The following MBNL1 variants were observed in gnomAD, a reference collection of about 807,000 sequenced individuals.
The protein encoded by MBNL1 is muscleblind like splicing regulator 1.
Under a neutral mutation model 42.2 loss-of-function variants are expected in MBNL1, and 8 were observed. The observed-to-expected ratio is 0.19, with a 90% CI of 0.11 to 0.34. MBNL1 has a LOEUF of 0.34. Ranked by LOEUF, MBNL1 falls within the 10% of genes least tolerant of loss-of-function variation. The pLI is 1.00. For synonymous variants in MBNL1, 169 were observed against 173.9 expected (o/e 0.97, Z 0.22); for missense variants, 309 against 495.3 (o/e 0.62, Z 3.57).
chr3:152,432,615 A>G (rs1196744070), intron 3 of MBNL1, 102 bp from the exon 4 acceptor site: 2 of 1,015,216 alleles, frequency 2.0e-6, no homozygotes, highest in Non-Finnish European at 3.1e-6. Flanking sequence ...GGGAAGGCCT[A>G]AGGAAGAATG....
Position 152,395,748 on chromosome 3 carries a change from T to C in MBNL1, c.175-19193T>C, listed in dbSNP as rs1482250411. 1.5e-4 allele frequency among the ~76,000 whole-genome samples: 23 copies of C among 152,370 alleles called. No individual in the cohort carries two copies. The East Asian group carries it at 1.9e-3, about 13-fold the overall frequency. The stretch of plus-strand genomic sequence containing the variant: ...TTAACTCTTGCATTAACTCTGAACT[T>C]AACCTCCCCTGAACAAAGCCTTTAC... On this transcript the variant is annotated intron_variant, in intron 2 of 9. Transcript: ENST00000324210.
upstream of MBNL1, chr3:152,268,818 C>G (rs556341838): frequency 3.3e-5 from 15 of 451,926 alleles, no homozygotes; most frequent in African/African-American, 2.4e-4. Flanking sequence ...ATTAGGAGCT[C>G]GACGAGTCCG....
intron 2 of MBNL1, among the ~76,000 whole-genome samples, chr3:152,309,978 T>C (rs763347556): frequency 6.6e-6 from 1 of 152,202 alleles, no homozygotes; most frequent in African/African-American, 2.4e-5. Context: ...TTTAAAATGT[T>C]CCAGTAGAAC....
At chr3:152,460,533 G>A (rs543785543) in intron 9 of MBNL1, among the ~76,000 whole-genome samples, 2 of 151,072 alleles carry the variant, frequency 1.3e-5, no homozygotes, top group East Asian at 3.9e-4. Flanking sequence ...GTTAGTGGGT[G>A]CAGCGCACCA....
intron 2 of MBNL1, among the ~76,000 whole-genome samples, chr3:152,252,635 CCT>C (rs1014034561): frequency 1.3e-5 from 2 of 152,004 alleles, no homozygotes; most frequent in African/African-American, 4.8e-5. Flanking sequence ...AAATTATCCT[CCT>C]TTGCATTCCA....
At chr3:152,289,839 G>C (rs1306167298) in intron 1 of MBNL1, among the ~76,000 whole-genome samples, 2 of 152,024 alleles carry the variant, frequency 1.3e-5, no homozygotes, top group Non-Finnish European at 2.9e-5. Context: ...AAATAATAGG[G>C]ACTTTTACTG....
rs558552343 is a variant in MBNL1, at chr3:152,320,424, C to G, written c.174+20057C>G. Among the ~76,000 whole-genome samples, 7 of 152,216 alleles carry G rather than the reference C, an allele frequency of 4.6e-5. No individual in the cohort carries two copies. The South Asian group carries it at 1.2e-3, about 27-fold the overall frequency. ...ACTCATGCCATGTTTTGTATGTTAT[C>G]TTGTGCAGGCAGCACATGGGGACCT... On this transcript the variant is annotated intron_variant, in intron 2 of 9. Coordinates refer to ENST00000324210, the MANE Select transcript of MBNL1 (RefSeq NM_021038.5).
chr3:152,248,873 T>A (rs947785622), intron 2 of MBNL1, among the ~76,000 whole-genome samples: 1 of 151,930 alleles, frequency 6.6e-6, no homozygotes, highest in South Asian at 2.1e-4. Flanking sequence ...CAGTGTTTGG[T>A]TTTTTGTTCT....
chr3:152,440,454 G>A lies in MBNL1; in HGVS notation c.550-4828G>A, dbSNP rs576352684. Among the ~76,000 whole-genome samples the A allele has an allele frequency of 1.3e-4, 20 of 152,156 alleles. 1 individual carries two copies. Among genetic ancestry groups the A allele is most frequent in the African/African-American group, 4.8e-4 (20 of 41,512 alleles). On this transcript the variant is annotated intron_variant, in intron 4 of 9. Transcript: ENST00000324210. ...GCAGACAAGAAAAAAGGTTGCACAGGGACATAACCCTTTTAAAACCATCAG... is the reference window on the plus strand; with the variant it reads ...GCAGACAAGAAAAAAGGTTGCACAGAGACATAACCCTTTTAAAACCATCAG...
Position 152,428,862 on chromosome 3 carries a change from T to C in MBNL1, c.346-3855T>C, listed in dbSNP as rs184268109. ...CTGTGGTCACATCCTAGGCCTTTGA[T>C]TCACTCATTTGTGTCTATAGACACA... On this transcript the variant is annotated intron_variant, in intron 3 of 9. Coordinates refer to ENST00000324210, the MANE Select transcript of MBNL1 (RefSeq NM_021038.5). 9.8e-5 allele frequency among the ~76,000 whole-genome samples: 15 copies of C among 152,364 alleles called. No homozygotes were observed. In the East Asian group the frequency reaches 2.7e-3, roughly 27 times the overall value.
At chr3:152,420,763 G>C (rs1229399298) in intron 3 of MBNL1, among the ~76,000 whole-genome samples, 1 of 152,180 alleles carries the variant, frequency 6.6e-6, no homozygotes, top group African/African-American at 2.4e-5. Flanking sequence ...TGGACAGAAA[G>C]TGAGTTTGAC....
chr3:152,378,999 A>G (rs1002139780), intron 2 of MBNL1, among the ~76,000 whole-genome samples: 1 of 151,890 alleles, frequency 6.6e-6, no homozygotes, highest in African/African-American at 2.4e-5. Context: ...TACAGGTATG[A>G]GCCACCATGC....
upstream of MBNL1, chr3:152,268,899 GCGA>G: frequency 2.2e-6 from 1 of 455,062 alleles, no homozygotes; most frequent in South Asian, 1.5e-5. Flanking sequence ...CCAGACCTCG[GCGA>G]TAAGAGGCTG....
At chr3:152,328,154 C>T (rs2081634743) in intron 2 of MBNL1, among the ~76,000 whole-genome samples, 1 of 151,786 alleles carries the variant, frequency 6.6e-6, no homozygotes, top group East Asian at 1.9e-4. Context: ...TGTGTTTTGC[C>T]AAGATTTATT....
intron 3 of MBNL1, among the ~76,000 whole-genome samples, chr3:152,422,087 C>T (rs1479124676): frequency 6.6e-6 from 1 of 151,978 alleles, no homozygotes; most frequent in Non-Finnish European, 1.5e-5. Context: ...ACAATATTAA[C>T]CTTAAATGTA....
chr3:152,274,089 G>A (rs1048907113), intron 1 of MBNL1, among the ~76,000 whole-genome samples: 7 of 152,154 alleles, frequency 4.6e-5, no homozygotes, highest in South Asian at 2.1e-4. Context: ...ATGAAGAGAT[G>A]TCTTTCTCCA....
intron 3 of MBNL1, among the ~76,000 whole-genome samples, chr3:152,421,016 T>G (rs1295174265): frequency 6.6e-6 from 1 of 152,054 alleles, no homozygotes. Flanking sequence ...AGAAAGGATA[T>G]CAGAGACTGA....
chr3:152,411,274 C>A (rs1378783168), intron 2 of MBNL1, among the ~76,000 whole-genome samples: 1 of 152,198 alleles, frequency 6.6e-6, no homozygotes, highest in African/African-American at 2.4e-5. Flanking sequence ...ATAATCCCAG[C>A]ACTTTGGGAG....
At chr3:152,263,309 T>C (rs2036610318), upstream of MBNL1, 1 of 152,244 alleles carries the variant, frequency 6.6e-6, no homozygotes, top group Non-Finnish European at 1.5e-5. Flanking sequence ...TCCCTATCTC[T>C]GGGAACTGGA....
Sources: gnomAD v4.1 joint callset for allele counts (sites outside exome capture counted in the v4.1 genomes callset) on GRCh38, gnomAD v4.1.1 for gene constraint, MANE v1.5 for transcripts, NCBI Gene and HGNC (gene_info 2026-07-23, HGNC 2026-07-21) for gene names.